The following DNMT3A variants were observed in gnomAD, a reference collection of about 807,000 sequenced individuals.
DNMT3A encodes DNA (cytosine-5)-methyltransferase 3A.
A neutral mutation model predicts 117.6 loss-of-function variants in DNMT3A; 267 were observed. The ratio of observed to expected loss-of-function variants is 2.27; its 90% CI spans 2.05 to 2.51. The LOEUF is 2.51. DNMT3A is among the 30% of genes most tolerant of loss of function. The pLI, the probability that DNMT3A is intolerant of heterozygous loss-of-function variation, is 0.00. For missense variants in DNMT3A, 1,029 were observed against 1,260.2 expected, an observed-to-expected ratio of 0.82 and a Z score of 2.78; for synonymous variants, 432 against 474.8, an observed-to-expected ratio of 0.91 and a Z score of 1.17.
intron 1 of DNMT3A, among the ~76,000 whole-genome samples, chr2:25,328,457 CA>C (rs575755673): frequency 2.0e-3 from 303 of 152,264 alleles, no homozygotes; most frequent in African/African-American, 7.1e-3. Flanking sequence ...TCTCCTCCCC[CA>C]AAACACCGTC....
intron 16 of DNMT3A, chr2:25,241,955 G>C (rs1558662043): frequency 1.9e-6 from 1 of 525,222 alleles, no homozygotes; most frequent in Non-Finnish European, 3.3e-6. Context: ...AAACTGACCG[G>C]AGAGTACATG....
rs761608224 is a variant in DNMT3A at position 25,246,019 on chromosome 2, C to T, written c.1474+1G>A. On this transcript the variant is annotated splice_donor_variant, in intron 12 of 22. Coordinates refer to ENST00000321117, the MANE Select transcript of DNMT3A (RefSeq NM_022552.5). LOFTEE classifies it high-confidence loss of function. ...CCAGAGTTCCCAGGCAACAAACTTA[C>T]CCTCAATGTTCCGGCACTTCTGCCG... The T allele has an allele frequency of 4.3e-6, 7 of 1,613,770 alleles. No individual in the cohort carries two copies. The highest frequency in any genetic ancestry group is 5.1e-6 in the Non-Finnish European group (6 of 1,179,808).
rs1323549670 is a variant in DNMT3A at position 25,337,149 on chromosome 2, G to A, written c.-178+4677C>T. 6.6e-6 allele frequency among the ~76,000 whole-genome samples: 1 copy of A among 152,206 alleles called. No individual in the cohort carries two copies. Among genetic ancestry groups the A allele is most frequent in the Non-Finnish European group, 1.5e-5 (1 of 68,032 alleles). On this transcript the variant is annotated intron_variant, in intron 1 of 22. Coordinates refer to ENST00000321117, the MANE Select transcript of DNMT3A (RefSeq NM_022552.5). This position sits in a 1 kb window ranked among gnomAD's most constrained non-coding sequence, Gnocchi z 5.0. ...AACGAGCTGAAACTACAGCGGGAGG[G>A]ATTTCAGGTGGAAGCAAAACAACCT...
chr2:25,240,512 CGGGCACGGGGA>C (rs1673882506), intron 18 of DNMT3A, 62 bp from the exon 19 acceptor site: 5 of 1,578,652 alleles, frequency 3.2e-6, no homozygotes, highest in Admixed American at 3.5e-5. Context: ...TGGTGTGGCT[CGGGCACGGGGA>C]GGGCACGGGA....
At chr2:25,322,964 C>G (rs2034651967) in intron 1 of DNMT3A, among the ~76,000 whole-genome samples, 1 of 151,952 alleles carries the variant, frequency 6.6e-6, no homozygotes. Context: ...CTCCCTCCCT[C>G]TGCTTGCATT....
chr2:25,240,318 AT>A lies in DNMT3A; in HGVS notation c.2305del (p.Ile769SerfsTer10). 1 of 1,614,168 alleles carries A rather than the reference AT, an allele frequency of 6.2e-7. No homozygotes were observed. Among genetic ancestry groups the A allele is most frequent in the Non-Finnish European group, 8.5e-7 (1 of 1,180,024 alleles). The stretch of plus-strand genomic sequence containing the variant: ...TGGCTATACCTCGAGAAATCGCGAG[AT>A]GTCCCTCTTGTCACTAACGCCCATG... ...VAMGVSDKRD[I>X]SRFLESNPVM... On this transcript the variant is annotated frameshift_variant, in exon 19 of 23. Coordinates refer to ENST00000321117, the MANE Select transcript of DNMT3A (RefSeq NM_022552.5). LOFTEE classifies it high-confidence loss of function.
Position 25,274,971 on chromosome 2 carries a change from C to G in DNMT3A, c.609G>C (p.Arg203=), listed in dbSNP as rs1440660785. The change falls in exon 6 of 23, where the codon CGG becomes CGC. Residue 203 remains arginine, a synonymous_variant. Transcript: ENST00000321117. ...GDPYYISKRK[R]DEWLARWKRE... The stretch of plus-strand genomic sequence containing the variant: ...TTTTCCAGCGTGCCAGCCACTCGTC[C>G]CGCTTGCGCTTGCTGATGTAGTAGG... The G allele has an allele frequency of 1.2e-6, 2 of 1,613,362 alleles. No homozygotes were observed. Among genetic ancestry groups the G allele is most frequent in the Admixed American group, 1.7e-5 (1 of 60,000 alleles).
chr2:25,289,009 C>G lies in DNMT3A; in HGVS notation c.178-6298G>C, dbSNP rs973058071. Among the ~76,000 whole-genome samples, 15 of 152,318 alleles carry G rather than the reference C, an allele frequency of 9.8e-5. 1 individual carries two copies. The Middle Eastern group carries it at 0.014, about 138-fold the overall frequency. On this transcript the variant is annotated intron_variant, in intron 3 of 22. Transcript: ENST00000321117. ...ATGCATGCCACGTTTGTTTACAAAG[C>G]CCTTTCTCACCCAATCTCCTTACAA...
chr2:25,246,158 A>C lies in DNMT3A; in HGVS notation c.1429+2T>G. The C allele has an allele frequency of 6.2e-7, 1 of 1,613,754 alleles. No individual in the cohort carries two copies. On this transcript the variant is annotated splice_donor_variant, in intron 11 of 22. Coordinates refer to ENST00000321117, the MANE Select transcript of DNMT3A (RefSeq NM_022552.5). LOFTEE classifies it high-confidence loss of function. The stretch of plus-strand genomic sequence containing the variant: ...CACCCTCTCCAGAAGCAGGCCAACT[A>C]CCTCTTGTGCGCTCATCAATAATCT...
chr2:25,330,856 G>A (rs2034991237), intron 1 of DNMT3A, among the ~76,000 whole-genome samples: 1 of 152,214 alleles, frequency 6.6e-6, no homozygotes, highest in Non-Finnish European at 1.5e-5. Flanking sequence ...CTCAGTAGAT[G>A]CTCTTCAAAT....
intron 6 of DNMT3A, among the ~76,000 whole-genome samples, chr2:25,272,218 C>G (rs1177803778): frequency 6.6e-6 from 1 of 152,198 alleles, no homozygotes; most frequent in African/African-American, 2.4e-5. Flanking sequence ...AACTCCTGAC[C>G]TAAGGTGATC....
chr2:25,249,499 C>G, intron 6 of DNMT3A: 2 of 811,120 alleles, frequency 2.5e-6, no homozygotes, highest in East Asian at 2.6e-5. Context: ...CAGATTCGAC[C>G]CCTTCTATGT....
In DNMT3A at chr2:25,232,763, A is replaced by G. The variant is rs1672936921; in HGVS notation, c.*1516T>C. Reference sequence around the variant, plus strand: ...GGGTGTTGGGTTTTTGTTTTCTTAAAGAAAATCTTAAAACAAACATAATTA... The same window carrying G: ...GGGTGTTGGGTTTTTGTTTTCTTAAGGAAAATCTTAAAACAAACATAATTA... On this transcript the variant is annotated 3_prime_UTR_variant, in exon 23 of 23. Transcript: ENST00000321117. This position sits in a 1 kb window ranked among gnomAD's most constrained non-coding sequence, Gnocchi z 4.1. The G allele has an allele frequency of 5.3e-6, 1 of 189,234 alleles. No individual in the cohort carries two copies. The highest frequency in any genetic ancestry group is 1.1e-5 in the Non-Finnish European group (1 of 90,036). 11.7% of individuals were successfully genotyped at this position (189,234 alleles called of 1,614,324 possible).
rs951387610 is a variant in DNMT3A, at chr2:25,232,371, C to T, written c.*1908G>A. On this transcript the variant is annotated 3_prime_UTR_variant, in exon 23 of 23. Transcript: ENST00000321117. The surrounding 1 kb of genome is among the most constrained non-coding windows in gnomAD (Gnocchi z 4.1). ...TCCCTTCCTACTACTGACGCCAGGC[C>T]GCCTGCCTTGTAGGAAGTAGAACAA... The T allele has an allele frequency of 2.0e-5, 3 of 152,258 alleles. No homozygotes were observed. Among genetic ancestry groups the T allele is most frequent in the South Asian group, 2.1e-4 (1 of 4,834 alleles). 9.4% of individuals were successfully genotyped at this position (152,258 alleles called of 1,614,324 possible). A position where few individuals can be genotyped will look rare whatever the true frequency, so the allele number is the denominator to read the frequency against.
chr2:25,334,764 T>C (rs764783245), intron 1 of DNMT3A, among the ~76,000 whole-genome samples: 16 of 152,224 alleles, frequency 1.1e-4, no homozygotes, highest in Admixed American at 2.6e-4. Context: ...TATTTCTCCC[T>C]GCAACCTTTC....
Position 25,247,958 on chromosome 2 carries a change from G to C in DNMT3A, c.855+79C>G. 5 of 1,591,518 alleles carry C rather than the reference G, an allele frequency of 3.1e-6. No homozygotes were observed. The highest frequency in any genetic ancestry group is 4.3e-6 in the Non-Finnish European group (5 of 1,168,106). ...GCGAGCGGCCCGTGGGAGATGGAGAGAGGAGAGCAGGACGGGAGGAGCTGG... is the reference window on the plus strand; with the variant it reads ...GCGAGCGGCCCGTGGGAGATGGAGACAGGAGAGCAGGACGGGAGGAGCTGG... On this transcript the variant is annotated intron_variant, in intron 7 of 22. Coordinates refer to ENST00000321117, the MANE Select transcript of DNMT3A (RefSeq NM_022552.5). This position sits in a 1 kb window ranked among gnomAD's most constrained non-coding sequence, Gnocchi z 5.6.
chr2:25,276,561 G>A lies in DNMT3A; in HGVS notation c.449-1018C>T, dbSNP rs146942321. Among the ~76,000 whole-genome samples the A allele has an allele frequency of 6.8e-4, 103 of 152,296 alleles. 4 individuals are homozygous for A. The East Asian group carries it at 0.016, about 24-fold the overall frequency. Reference sequence around the variant, plus strand: ...AAGCCCCCAGCATGAGGGGAGCTGCGCTCCTCCCAGGCATCCCCCTGCACT... The same window carrying A: ...AAGCCCCCAGCATGAGGGGAGCTGCACTCCTCCCAGGCATCCCCCTGCACT... On this transcript the variant is annotated intron_variant, in intron 4 of 22. Transcript: ENST00000321117.
Position 25,339,267 on chromosome 2 carries a change from A to G in DNMT3A, c.-178+2559T>C. Among the ~76,000 whole-genome samples, 1 of 151,938 alleles carries G rather than the reference A, an allele frequency of 6.6e-6. No individual in the cohort carries two copies. The highest frequency in any genetic ancestry group is 1.5e-5 in the Non-Finnish European group (1 of 67,986). ...CCGGCTCTAGTCCAACCCCCACCCC[A>G]CAGAGGAATCCTGTCCGCAGACACC... is the stretch of plus-strand genomic sequence containing the variant. On this transcript the variant is annotated intron_variant, in intron 1 of 22. Coordinates refer to ENST00000321117, the MANE Select transcript of DNMT3A (RefSeq NM_022552.5). This position sits in a 1 kb window ranked among gnomAD's most constrained non-coding sequence, Gnocchi z 4.9.
In DNMT3A at chr2:25,247,273, G is replaced by C. The variant is rs1488438187; in HGVS notation, c.1015-115C>G. ...GAGAGTCAGTCTCAGCCCTGGAGGG[G>C]ACCAGATACAGTGATAAATAATTAC... On this transcript the variant is annotated intron_variant, in intron 8 of 22. Transcript: ENST00000321117. This position sits in a 1 kb window ranked among gnomAD's most constrained non-coding sequence, Gnocchi z 5.6. The C allele has an allele frequency of 2.9e-6, 3 of 1,030,422 alleles. No individual in the cohort carries two copies. In the African/African-American group the frequency reaches 4.8e-5, roughly 16 times the overall value. 63.8% of individuals were successfully genotyped at this position (1,030,422 alleles called of 1,614,324 possible).
Sources: gnomAD v4.1 joint callset for allele counts (sites outside exome capture counted in the v4.1 genomes callset) on GRCh38, gnomAD v4.1.1 for gene constraint, Gnocchi (gnomAD v3.1) non-coding constraint, MANE v1.5 for transcripts, NCBI Gene and HGNC (gene_info 2026-07-23, HGNC 2026-07-21) for gene names.